The following DPP6 variants were observed in gnomAD, a reference collection of about 807,000 sequenced individuals.
The protein encoded by DPP6 is A-type potassium channel modulatory protein DPP6.
In DPP6, 69 loss-of-function variants were observed where a neutral mutation model predicts 122.6. The ratio of observed to expected loss-of-function variants is 0.56; its 90% CI spans 0.46 to 0.69. The LOEUF is 0.69. Among genes scored for constraint, DPP6 ranks in the 30% least tolerant of loss-of-function variants. The probability of loss-of-function intolerance (pLI) is 0.00; values close to 1 mark genes in which losing one functional copy is unlikely to be tolerated. For synonymous variants in DPP6, 418 were observed against 433.1 expected (o/e 0.97, Z 0.43); for missense variants, 928 against 1,116.9 (o/e 0.83, Z 2.41).
chr7:153,951,640 ATTATT>A (rs999956142), intron 1 of DPP6, among the ~76,000 whole-genome samples: 4 of 152,120 alleles, frequency 2.6e-5, no homozygotes, highest in Non-Finnish European at 4.4e-5. Flanking sequence ...GCGTGGTGAG[ATTATT>A]TTATTTTATT....
intron 1 of DPP6, among the ~76,000 whole-genome samples, chr7:154,418,548 G>T (rs567301356): frequency 1.3e-5 from 2 of 152,246 alleles, no homozygotes; most frequent in African/African-American, 4.8e-5. Flanking sequence ...GTGGACAGGG[G>T]ACGGCTGGAA....
At chr7:154,243,088 A>G (rs1801747284) in intron 1 of DPP6, among the ~76,000 whole-genome samples, 1 of 152,238 alleles carries the variant, frequency 6.6e-6, no homozygotes, top group South Asian at 2.1e-4. Context: ...AAGGAAAGAC[A>G]TGAAGCCTGG....
intron 1 of DPP6, among the ~76,000 whole-genome samples, chr7:154,036,755 C>G (rs1479315326): frequency 1.3e-5 from 2 of 151,990 alleles, no homozygotes; most frequent in African/African-American, 4.8e-5. Flanking sequence ...TTGGTAGTCA[C>G]TTGCCATACT....
chr7:154,128,550 C>T (rs371917118), intron 1 of DPP6, among the ~76,000 whole-genome samples: 5 of 152,032 alleles, frequency 3.3e-5, no homozygotes, highest in Non-Finnish European at 7.4e-5. Context: ...TACAGGCGCC[C>T]GCCACCGCGC....
intron 1 of DPP6, chr7:154,057,574 G>C (rs1395099104): frequency 6.6e-6 from 1 of 150,930 alleles, no homozygotes; most frequent in Non-Finnish European, 1.5e-5. Flanking sequence ...CAATCTACCG[G>C]AGCTTAAGGG....
intron 7 of DPP6, among the ~76,000 whole-genome samples, chr7:154,686,047 A>G (rs1190108893): frequency 6.6e-6 from 1 of 152,200 alleles, no homozygotes; most frequent in Non-Finnish European, 1.5e-5. Context: ...AACTTGTGAT[A>G]ACAGCGGCCT....
At chr7:154,532,004 T>A (rs58038435) in intron 3 of DPP6, among the ~76,000 whole-genome samples, 7,513 of 152,018 alleles carry the variant, frequency 0.049, 328 homozygotes, top group African/African-American at 0.12. Flanking sequence ...GAGGAGACAC[T>A]TAGAAAACAA....
At chr7:153,824,262 C>T in the DPP6 span, among the ~76,000 whole-genome samples, 2 of 151,590 alleles carry the variant, frequency 1.3e-5, no homozygotes. Context: ...GTGATGTGAG[C>T]TGTAATCCTA....
At chr7:153,900,265 A>G (rs1410779993) in intron 1 of DPP6, among the ~76,000 whole-genome samples, 1 of 151,666 alleles carries the variant, frequency 6.6e-6, no homozygotes, top group East Asian at 1.9e-4. Context: ...GAGCCCTACA[A>G]ACTTTTTCAA....
chr7:154,794,776 C>T (rs1403796810), intron 11 of DPP6, among the ~76,000 whole-genome samples: 2 of 152,246 alleles, frequency 1.3e-5, no homozygotes, highest in Non-Finnish European at 2.9e-5. Flanking sequence ...GTGGAGCAGG[C>T]AGGCGGCCCA....
rs559834692 is a variant in DPP6 at position 154,062,047 on chromosome 7, C to T, written c.243+8984C>T. 1.7e-3 allele frequency among the ~76,000 whole-genome samples: 183 copies of T among 109,290 alleles called. 20 individuals are homozygous for T. Among genetic ancestry groups the T allele is most frequent in the Admixed American group, 3.1e-3 (33 of 10,752 alleles). The allele number at this position is 109,290 out of a possible 152,430, so 71.7% of individuals were successfully genotyped here. On this transcript the variant is annotated intron_variant, in intron 1 of 25. Transcript: ENST00000377770. ...GGAGGCACCCCCCGCGAGGCAGGGA[C>T]TGACAGCCAGCCCCTGGTTCCCCCA...
chr7:153,846,417 T>G, the DPP6 span, among the ~76,000 whole-genome samples: 1 of 151,762 alleles, frequency 6.6e-6, no homozygotes, highest in Non-Finnish European at 1.5e-5. Context: ...TCTTTATTCT[T>G]CTTTCTCTTA....
chr7:153,946,446 C>T (rs1375517085), intron 1 of DPP6, among the ~76,000 whole-genome samples: 1 of 152,060 alleles, frequency 6.6e-6, no homozygotes, highest in Non-Finnish European at 1.5e-5. Context: ...TGTCTTTCAG[C>T]ATGCGAATGC....
chr7:154,065,439 G>A lies in DPP6; in HGVS notation c.243+12376G>A, dbSNP rs4067509. 5.0e-4 allele frequency among the ~76,000 whole-genome samples: 76 copies of A among 151,626 alleles called. No homozygotes were observed. In the Middle Eastern group the frequency reaches 0.01, roughly 20 times the overall value. On this transcript the variant is annotated intron_variant, in intron 1 of 25. Coordinates refer to ENST00000377770, the MANE Select transcript of DPP6 (RefSeq NM_130797.4). ...GCCTGAGTGCCCACATTCCATTCCA[G>A]CATTCCCCCCAGTAAGAACAAAACA...
At chr7:154,879,903 G>A (rs529919468) in intron 20 of DPP6, among the ~76,000 whole-genome samples, 3 of 152,328 alleles carry the variant, frequency 2.0e-5, no homozygotes, top group Admixed American at 6.5e-5. Flanking sequence ...CCTCCGCCAC[G>A]TGGAGGGCAC....
chr7:154,109,234 TGAG>T (rs1247476471), intron 1 of DPP6, among the ~76,000 whole-genome samples: 7 of 152,390 alleles, frequency 4.6e-5, no homozygotes, highest in Non-Finnish European at 8.8e-5. Flanking sequence ...AAAATTTTAA[TGAG>T]GAGCATATGA....
At chr7:154,033,834 AC>A (rs1400768172) in intron 1 of DPP6, among the ~76,000 whole-genome samples, 1 of 133,494 alleles carries the variant, frequency 7.5e-6, no homozygotes, top group Non-Finnish European at 1.6e-5. Context: ...ACTCCTCTGC[AC>A]ACAAGAACAA....
At chr7:153,823,612 A>G in the DPP6 span, among the ~76,000 whole-genome samples, 2 of 79,604 alleles carry the variant, frequency 2.5e-5, no homozygotes, top group African/African-American at 1.0e-4. Context: ...GAATATCAGG[A>G]AAGGGAATCA....
chr7:154,101,937 A>G (rs1448703735), intron 1 of DPP6, among the ~76,000 whole-genome samples: 2 of 120,288 alleles, frequency 1.7e-5, no homozygotes, highest in South Asian at 2.4e-4. Flanking sequence ...CTCCATCTCA[A>G]AAAAAAAAAA....
Sources: allele counts gnomAD v4.1 joint callset (sites outside exome capture counted in the v4.1 genomes callset), GRCh38; gene constraint gnomAD v4.1.1; transcripts MANE v1.5; gene names NCBI Gene and HGNC (gene_info 2026-07-23, HGNC 2026-07-21).